ARHGEF10: variants seen among roughly 807,000 people sequenced by gnomAD.
ARHGEF10 encodes the protein Rho guanine nucleotide exchange factor 10, also known as Rho guanine nucleotide exchange factor (GEF) 10.
Under a neutral mutation model 147.4 loss-of-function variants are expected in ARHGEF10, and 140 were observed. The ratio of observed to expected loss-of-function variants is 0.95; its 90% CI spans 0.83 to 1.09. ARHGEF10 has a LOEUF of 1.09. Ranked by LOEUF, ARHGEF10 falls within the 50% of genes least tolerant of loss-of-function variation. ARHGEF10 has a pLI of 0.00. For synonymous variants in ARHGEF10, 902 were observed against 695.8 expected (o/e 1.30, Z -4.67); for missense variants, 2,222 against 1,752.7 (o/e 1.27, Z -4.78).
chr8:1,847,492 G>A (rs779347751), intron 2 of ARHGEF10, among the ~76,000 whole-genome samples: 12 of 152,102 alleles, frequency 7.9e-5, no homozygotes, highest in Non-Finnish European at 1.8e-4. Context: ...GTTAATGTTG[G>A]TTCACAAAAA....
chr8:1,946,603 C>G (rs867050145), intron 27 of ARHGEF10, among the ~76,000 whole-genome samples: 1 of 152,318 alleles, frequency 6.6e-6, no homozygotes, highest in South Asian at 2.1e-4. Flanking sequence ...CTCATCTAAC[C>G]CTAATCACGT....
chr8:1,928,757 C>A, intron 24 of ARHGEF10, 107 bp downstream of exon 24: 1 of 1,306,458 alleles, frequency 7.7e-7, no homozygotes, highest in Non-Finnish European at 1.1e-6. Context: ...CAGGAGTAGC[C>A]CGTGCAGGAA....
At position 1,843,619 on chromosome 8, in the gene ARHGEF10, G is replaced by A. The variant is rs553659527; in HGVS notation, c.37+183G>A. The stretch of plus-strand genomic sequence containing the variant: ...GCCCCCATCCTTGCCTTGCCACGGG[G>A]GCATCCTGGGTGAGCCTCTTGCGTT... On this transcript the variant is annotated intron_variant, in intron 2 of 28. Transcript: ENST00000349830. Among the ~76,000 whole-genome samples the A allele has an allele frequency of 5.9e-5, 9 of 152,322 alleles. No homozygotes were observed. The South Asian group carries it at 1.9e-3, about 32-fold the overall frequency.
intron 18 of ARHGEF10, among the ~76,000 whole-genome samples, chr8:1,911,935 A>C (rs1296260290): frequency 6.6e-6 from 1 of 152,214 alleles, no homozygotes; most frequent in African/African-American, 2.4e-5. Flanking sequence ...TGTCACTTCT[A>C]AATTATATCG....
chr8:1,830,358 C>T (rs1158254671), intron 1 of ARHGEF10, among the ~76,000 whole-genome samples: 1 of 152,046 alleles, frequency 6.6e-6, no homozygotes, highest in South Asian at 2.1e-4. Flanking sequence ...CTGCCAGGAG[C>T]CTCCGGGGGC....
intron 5 of ARHGEF10, among the ~76,000 whole-genome samples, 159 bp from the exon 6 acceptor site, chr8:1,866,367 T>TAA (rs1318879593): frequency 1.3e-5 from 2 of 152,102 alleles, no homozygotes; most frequent in Non-Finnish European, 2.9e-5. Context: ...TGTCCTATAA[T>TAA]AATAGCTGGG....
At chr8:1,897,380 G>C (rs374352650) in intron 14 of ARHGEF10, among the ~76,000 whole-genome samples, 298 of 137,434 alleles carry the variant, frequency 2.2e-3, no homozygotes, top group Non-Finnish European at 2.9e-3. Flanking sequence ...TGTCCTAAGG[G>C]ATCGGATCGC....
chr8:1,842,496 G>A (rs976227068), intron 1 of ARHGEF10, among the ~76,000 whole-genome samples: 2 of 152,206 alleles, frequency 1.3e-5, no homozygotes, highest in African/African-American at 4.8e-5. Flanking sequence ...GCCTGGCCTC[G>A]GAGGAGCTGG....
At chr8:1,869,795 C>A (rs17829629) in intron 7 of ARHGEF10, 42,439 of 197,506 alleles carry the variant, frequency 0.21, 4,818 homozygotes, top group East Asian at 0.32. Flanking sequence ...GCTGCCTACA[C>A]AGGAACCGCT....
chr8:1,923,580 C>G lies in ARHGEF10; in HGVS notation c.2372C>G (p.Pro791Arg). The change falls in exon 20 of 29, where the codon CCC (proline) becomes CGC (arginine). Residue 791 changes from proline (P) to arginine (R), a missense_variant. By Grantham distance (103) the Pro-to-Arg change is moderately radical. Transcript: ENST00000349830. ...TGCTGCAGAATTCAGTTACAGCTTC[C>G]CGGGAAGCAGGACAAGTTAGTAGTA... ...ADCCRIQLQL[P>R]GKQDKSGRPT... is the part of the protein sequence containing the mutation. 6.2e-7 allele frequency: 1 copy of G among 1,614,010 alleles called. No homozygotes were observed.
intron 2 of ARHGEF10, among the ~76,000 whole-genome samples, chr8:1,857,090 A>G (rs945170597): frequency 5.9e-5 from 9 of 152,240 alleles, no homozygotes; most frequent in African/African-American, 2.2e-4. Context: ...TTTCTTATCA[A>G]GCACTTACTT....
rs1046140265 is a variant in ARHGEF10 at position 1,861,435 on chromosome 8, G to A, written c.481+1251G>A. Among the ~76,000 whole-genome samples the A allele has an allele frequency of 2.0e-5, 3 of 152,234 alleles. No homozygotes were observed. The South Asian group carries it at 6.2e-4, about 31-fold the overall frequency. On this transcript the variant is annotated intron_variant, in intron 4 of 28. Coordinates refer to ENST00000349830, the MANE Select transcript of ARHGEF10 (RefSeq NM_014629.4). The stretch of plus-strand genomic sequence containing the variant: ...CTGTCTTCAGGAGCGACCCAGTCGA[G>A]GCGTCTCAGCCGAAGTTTTCCTTTT...
At chr8:1,861,234 T>G (rs1360093525) in intron 4 of ARHGEF10, among the ~76,000 whole-genome samples, 1 of 152,238 alleles carries the variant, frequency 6.6e-6, no homozygotes, top group African/African-American at 2.4e-5. Context: ...CTGCTGTCCT[T>G]ACATGGCCCT....
intron 1 of ARHGEF10, chr8:1,826,175 A>C: frequency 6.4e-7 from 1 of 1,557,912 alleles, no homozygotes; most frequent in Non-Finnish European, 8.7e-7. Context: ...TTTGTAATTC[A>C]TTAGTTGTAG....
chr8:1,868,201 G>A (rs1386627327), intron 6 of ARHGEF10, among the ~76,000 whole-genome samples: 1 of 152,226 alleles, frequency 6.6e-6, no homozygotes, highest in Non-Finnish European at 1.5e-5. Context: ...CTTGACAACA[G>A]CAGCAGATAA....
intron 11 of ARHGEF10, among the ~76,000 whole-genome samples, chr8:1,889,111 AG>A (rs1300657334): frequency 8.5e-5 from 4 of 47,250 alleles, no homozygotes; most frequent in African/African-American, 8.1e-4. Context: ...GTGGGGTGTG[AG>A]GGGTCTGTGA....
intron 22 of ARHGEF10, among the ~76,000 whole-genome samples, chr8:1,925,828 GT>G (rs983611732): frequency 1.3e-5 from 2 of 152,222 alleles, no homozygotes; most frequent in African/African-American, 4.8e-5. Flanking sequence ...CCAGGGTGGC[GT>G]CTTATTAATG....
chr8:1,949,563 A>G (rs577697712), intron 27 of ARHGEF10, among the ~76,000 whole-genome samples: 6 of 152,302 alleles, frequency 3.9e-5, no homozygotes, highest in African/African-American at 1.4e-4. Context: ...TTTGATGGGA[A>G]AGTGCTGAGA....
intron 18 of ARHGEF10, among the ~76,000 whole-genome samples, chr8:1,915,095 G>A (rs527797954): frequency 3.9e-5 from 6 of 152,306 alleles, no homozygotes; most frequent in Admixed American, 2.0e-4. Flanking sequence ...CTCATGCGGC[G>A]TGTTCAGTGC....
Sources: allele counts gnomAD v4.1 joint callset (sites outside exome capture counted in the v4.1 genomes callset), GRCh38; gene constraint gnomAD v4.1.1; transcripts MANE v1.5; gene names NCBI Gene and HGNC (gene_info 2026-07-23, HGNC 2026-07-21).